The following DACH2 variants were observed in gnomAD, a reference collection of about 807,000 sequenced individuals.
The protein encoded by DACH2 is dachshund homolog 2.
In DACH2, 17 loss-of-function variants were observed where a neutral mutation model predicts 35.8. The ratio of observed to expected loss-of-function variants is 0.48; its 90% confidence interval spans 0.33 to 0.71. DACH2 has a LOEUF of 0.71. DACH2 is among the 30% of genes least tolerant of loss of function. The probability of loss-of-function intolerance (pLI) is 0.02; values close to 1 mark genes in which losing one functional copy is unlikely to be tolerated. For missense variants in DACH2, 469 were observed against 472.7 expected (o/e 0.99, Z 0.07); for synonymous variants, 195 against 177.3 (o/e 1.10, Z -0.79).
At chrX:86,642,908 T>G (rs1167818382) in intron 3 of DACH2, among the ~76,000 whole-genome samples, 2 of 111,494 alleles carry the variant, frequency 1.8e-5, no homozygotes, top group African/African-American at 6.5e-5. Flanking sequence ...TTAAAAATAA[T>G]GAGAACAAAG....
intron 1 of DACH2, among the ~76,000 whole-genome samples, chrX:86,216,905 GC>G (rs1428814717): frequency 9.0e-6 from 1 of 110,567 alleles, no homozygotes; most frequent in African/African-American, 3.3e-5. Flanking sequence ...GACCAGCCTG[GC>G]CAACGTAGCG....
At chrX:86,483,607 T>TG (rs2037976317) in intron 2 of DACH2, among the ~76,000 whole-genome samples, 2 of 110,736 alleles carry the variant, frequency 1.8e-5, no homozygotes, top group African/African-American at 6.6e-5. Flanking sequence ...GAGGCTCAAG[T>TG]GATCCACTTG....
At chrX:86,425,512 T>C (rs1037883059) in intron 2 of DACH2, among the ~76,000 whole-genome samples, 1 of 111,284 alleles carries the variant, frequency 9.0e-6, no homozygotes, top group Non-Finnish European at 1.9e-5. Flanking sequence ...GTTTCTGTGG[T>C]ATCATTTGTT....
At chrX:86,378,447 A>T (rs1455271843) in intron 2 of DACH2, among the ~76,000 whole-genome samples, 1 of 110,225 alleles carries the variant, frequency 9.1e-6, no homozygotes, top group Non-Finnish European at 1.9e-5. Context: ...TGAACCAGGG[A>T]GTATATATTC....
intron 2 of DACH2, among the ~76,000 whole-genome samples, chrX:86,458,617 T>A (rs2037515667): frequency 8.9e-6 from 1 of 112,044 alleles, no homozygotes; most frequent in Non-Finnish European, 1.9e-5. Flanking sequence ...ACTCAATTTG[T>A]GTAAATAAGA....
At chrX:86,553,243 G>A (rs1398677427) in intron 3 of DACH2, among the ~76,000 whole-genome samples, 1 of 111,452 alleles carries the variant, frequency 9.0e-6, no homozygotes, top group Non-Finnish European at 1.9e-5. Context: ...TCCAAAAGCT[G>A]AAGAACTTGG....
intron 5 of DACH2, among the ~76,000 whole-genome samples, chrX:86,712,745 A>G (rs1038553921): frequency 2.7e-5 from 3 of 111,201 alleles, no homozygotes; most frequent in Admixed American, 1.9e-4. Flanking sequence ...AAAATGTTTC[A>G]GAGCTCATAA....
chrX:86,200,486 C>T (rs1388042827), intron 1 of DACH2, among the ~76,000 whole-genome samples: 1 of 110,064 alleles, frequency 9.1e-6, no homozygotes, highest in Non-Finnish European at 1.9e-5. Context: ...ACAGAGTAAA[C>T]AGAGAACATA....
chrX:86,532,430 T>A (rs1246174524), intron 3 of DACH2, among the ~76,000 whole-genome samples: 1 of 110,781 alleles, frequency 9.0e-6, no homozygotes, highest in Non-Finnish European at 1.9e-5. Context: ...GTCCTTGCTG[T>A]TCTTGTGGTA....
At chrX:86,309,561 T>C (rs1008558140) in intron 1 of DACH2, among the ~76,000 whole-genome samples, 7 of 111,895 alleles carry the variant, frequency 6.3e-5, no homozygotes, top group Admixed American at 3.8e-4. Context: ...GATGACATTA[T>C]GCTGATTGGA....
At chrX:86,831,715 G>A (rs1211976640) in intron 11 of DACH2, 4 of 117,184 alleles carry the variant, frequency 3.4e-5, no homozygotes, top group African/African-American at 9.8e-5. Flanking sequence ...GTACAAAGCT[G>A]TCATTATCTT....
rs778789284 is a variant in DACH2 at position 86,714,427 on chromosome X, G to A, written c.932-121G>A. The stretch of plus-strand genomic sequence containing the variant: ...ACAGGTACTATTAATGGCACAAGGA[G>A]ACACTAAGATATAATAAAAATTGTT... On this transcript the variant is annotated intron_variant, in intron 5 of 11. Coordinates refer to ENST00000373125, the MANE Select transcript of DACH2 (RefSeq NM_053281.3). 7.9e-4 allele frequency: 379 copies of A among 479,589 alleles called. 1 individual carries two copies. In the African/African-American group the frequency reaches 8.4e-3, roughly 11 times the overall value. The allele number at this position is 479,589 out of a possible 1,213,427, so 39.5% of individuals were successfully genotyped here. A position where few individuals can be genotyped will look rare whatever the true frequency, so the allele number is the denominator to read the frequency against.
intron 2 of DACH2, among the ~76,000 whole-genome samples, chrX:86,394,934 C>A (rs377733989): frequency 9.0e-5 from 10 of 111,487 alleles, no homozygotes; most frequent in Non-Finnish European, 1.9e-4. Context: ...GTGCTCTGTG[C>A]GTAGGAAAGT....
rs1243668475 is a variant in DACH2, at chrX:86,776,674, G to T, written c.1241-36182G>T. On this transcript the variant is annotated intron_variant, in intron 7 of 11. Transcript: ENST00000373125. ...ACATATGTATACATGTGCCATGTTG[G>T]TGTGCTGCACCCATTAACTCGTCAT... Among the ~76,000 whole-genome samples, 4 of 110,787 alleles carry T rather than the reference G, an allele frequency of 3.6e-5. No homozygotes were observed. In the Admixed American group the frequency reaches 3.9e-4, roughly 11 times the overall value.
chrX:86,440,497 T>C (rs2037142412), intron 2 of DACH2, among the ~76,000 whole-genome samples: 2 of 111,787 alleles, frequency 1.8e-5, no homozygotes, highest in African/African-American at 6.5e-5. Flanking sequence ...TTAATTTGCA[T>C]ACATATTTAT....
At chrX:86,710,948 A>T (rs767072977) in intron 5 of DACH2, among the ~76,000 whole-genome samples, 3 of 112,063 alleles carry the variant, frequency 2.7e-5, no homozygotes, top group Non-Finnish European at 5.6e-5. Flanking sequence ...AGTCAACGTG[A>T]CTTAGAAATC....
At chrX:86,398,757 G>C (rs751825015) in intron 2 of DACH2, among the ~76,000 whole-genome samples, 1 of 112,073 alleles carries the variant, frequency 8.9e-6, no homozygotes, top group Admixed American at 9.5e-5. Flanking sequence ...CTGAGAGACA[G>C]TTTGTTACAA....
chrX:86,624,066 A>C (rs1365232495), intron 3 of DACH2, among the ~76,000 whole-genome samples: 1 of 94,055 alleles, frequency 1.1e-5, no homozygotes, highest in Non-Finnish European at 2.2e-5. Flanking sequence ...AAAACAAAAA[A>C]AAAAAAAAAA....
intron 1 of DACH2, among the ~76,000 whole-genome samples, chrX:86,370,249 C>T (rs1274376131): frequency 9.0e-6 from 1 of 111,616 alleles, no homozygotes; most frequent in Non-Finnish European, 1.9e-5. Flanking sequence ...CCAAGTTCTC[C>T]ACATAGGCAG....
Sources: allele counts gnomAD v4.1 joint callset (sites outside exome capture counted in the v4.1 genomes callset), GRCh38; gene constraint gnomAD v4.1.1; transcripts MANE v1.5; gene names NCBI Gene and HGNC (gene_info 2026-07-23, HGNC 2026-07-21).